Variants in IL17B observed in about 807,000 individuals in gnomAD.
IL17B encodes the protein interleukin 17B.
A neutral mutation model predicts 14.7 loss-of-function variants in IL17B; 14 were observed. The observed-to-expected ratio is 0.95, with a 90% CI of 0.63 to 1.49. IL17B has a LOEUF of 1.49. Ranked by LOEUF, IL17B falls within the 40% of genes most tolerant of loss-of-function variation. IL17B has a pLI of 0.00. For missense variants in IL17B, 233 were observed against 252.8 expected, an observed-to-expected ratio of 0.92 and a Z score of 0.53; for synonymous variants, 105 against 94.8, an observed-to-expected ratio of 1.11 and a Z score of -0.62.
In IL17B at chr5:149,374,490, A is replaced by T; in HGVS notation, c.422T>A (p.Val141Glu). Residue 141 changes from valine (V) to glutamate (E), a missense_variant, in exon 3 of 3, where the codon GTG becomes GAG. Transcript: ENST00000261796. This position sits in a 1 kb window ranked among gnomAD's most constrained non-coding sequence, Gnocchi z 5.0. ...CACAGGAACCTGGCTGAACACCGGC[A>T]CGCTCACCATGCTGCGGTCCTCCTG... ...TMQEDRSMVS[V>E]PVFSQVPVRR... The T allele has an allele frequency of 6.2e-7, 1 of 1,613,002 alleles. No homozygotes were observed. The highest frequency in any genetic ancestry group is 1.1e-5 in the South Asian group (1 of 91,082).
intron 1 of IL17B, among the ~76,000 whole-genome samples, chr5:149,393,079 T>C (rs924219802): frequency 6.6e-6 from 1 of 152,036 alleles, no homozygotes; most frequent in Non-Finnish European, 1.5e-5. Flanking sequence ...GTGAGATTGT[T>C]TTCCCCTTTC....
intron 1 of IL17B, among the ~76,000 whole-genome samples, chr5:149,390,706 A>G (rs1758930869): frequency 6.6e-6 from 1 of 151,902 alleles, no homozygotes; most frequent in Non-Finnish European, 1.5e-5. Context: ...AGTGATTTCC[A>G]AAGTAGGGTG....
At chr5:149,382,727 C>T (rs535584689), upstream of IL17B, among the ~76,000 whole-genome samples, 3 of 152,306 alleles carry the variant, frequency 2.0e-5, no homozygotes, top group South Asian at 4.1e-4. Context: ...TCATTGAGCA[C>T]GGTCTGTGAT....
At chr5:149,387,441 A>G (rs896575079) in intron 1 of IL17B, among the ~76,000 whole-genome samples, 4 of 152,180 alleles carry the variant, frequency 2.6e-5, no homozygotes, top group Middle Eastern at 3.2e-3. Flanking sequence ...GCGTGATGGT[A>G]AAAGGGTTAC....
chr5:149,399,226 G>T (rs148439261), intron 1 of IL17B, among the ~76,000 whole-genome samples: 1 of 152,268 alleles, frequency 6.6e-6, no homozygotes, highest in East Asian at 1.9e-4. Flanking sequence ...GGCCCTGCCC[G>T]GGTGCTGTCA....
chr5:149,376,966 G>C lies in IL17B; in HGVS notation c.81C>G (p.Ser27Arg). 1 of 1,603,108 alleles carries C rather than the reference G, an allele frequency of 6.2e-7. No homozygotes were observed. The highest frequency in any genetic ancestry group is 2.2e-5 in the East Asian group (1 of 44,794). Residue 27 changes from serine (S) to arginine (R), a missense_variant, in exon 2 of 3, where the codon AGC becomes AGG. Physicochemically the swap from Ser to Arg is moderately radical, Grantham distance 110. Transcript: ENST00000261796. Reference protein sequence around the residue: ...LGLGQPRSPKSKRKGQGRPGP... With the variant: ...LGLGQPRSPKRKRKGQGRPGP... The stretch of plus-strand genomic sequence containing the variant: ...CAGGCCGCCCTTGCCCCTTCCTCTT[G>C]CTTTTGGGGCTCCTGGGCTGGCCCA...
intron 1 of IL17B, among the ~76,000 whole-genome samples, chr5:149,388,862 G>C (rs1436254262): frequency 6.6e-6 from 1 of 152,234 alleles, no homozygotes; most frequent in African/African-American, 2.4e-5. Flanking sequence ...AGGTTCTGGA[G>C]TCTCTGCCCC....
chr5:149,395,886 T>C (rs1759083265), intron 1 of IL17B, among the ~76,000 whole-genome samples: 1 of 152,172 alleles, frequency 6.6e-6, no homozygotes, highest in Non-Finnish European at 1.5e-5. Flanking sequence ...TTGGCCAGGC[T>C]GGTCTTGAAC....
At chr5:149,393,846 T>A (rs1237333608) in intron 1 of IL17B, among the ~76,000 whole-genome samples, 1 of 152,146 alleles carries the variant, frequency 6.6e-6, no homozygotes, top group Non-Finnish European at 1.5e-5. Flanking sequence ...CCACTAAGAG[T>A]TGAGTTTCCA....
At chr5:149,392,031 A>G (rs1758978835) in intron 1 of IL17B, among the ~76,000 whole-genome samples, 2 of 152,234 alleles carry the variant, frequency 1.3e-5, no homozygotes, top group Non-Finnish European at 2.9e-5. Context: ...TCTGTGACAC[A>G]GGCCTCTTGT....
chr5:149,386,519 A>G (rs1303847305), intron 1 of IL17B, among the ~76,000 whole-genome samples: 2 of 152,144 alleles, frequency 1.3e-5, no homozygotes, highest in African/African-American at 2.4e-5. Flanking sequence ...TTAGGAGGCA[A>G]TGTTGACAAG....
rs539823518 is a variant in IL17B at position 149,374,884 on chromosome 5, G to T, written c.312-284C>A. On this transcript the variant is annotated intron_variant, in intron 2 of 2. Transcript: ENST00000261796. The surrounding 1 kb of genome is among the most constrained non-coding windows in gnomAD (Gnocchi z 5.0). ...GCCCATCCCAGTACTAGGTTGCGCT[G>T]TGGGGATTGTGGAGTAGCCCTCTAC... 2 of 357,376 alleles carry T rather than the reference G, an allele frequency of 5.6e-6. No homozygotes were observed. The highest frequency in any genetic ancestry group is 1.3e-4 in the South Asian group (2 of 15,860). The allele number at this position is 357,376 out of a possible 1,614,324, so 22.1% of individuals were successfully genotyped here.
intron 1 of IL17B, among the ~76,000 whole-genome samples, chr5:149,387,390 A>C (rs975219204): frequency 6.6e-5 from 10 of 152,328 alleles, no homozygotes; most frequent in African/African-American, 2.2e-4. Context: ...GGGAGATGGA[A>C]GGTGTCCAGC....
At chr5:149,379,349 T>A, upstream of IL17B, 1 of 1,151,126 alleles carries the variant, frequency 8.7e-7, no homozygotes, top group Non-Finnish European at 1.3e-6. Flanking sequence ...GCTGGGGGAG[T>A]GAGTGGGTGG....
chr5:149,388,973 G>A (rs1361509309), intron 1 of IL17B, among the ~76,000 whole-genome samples: 2 of 152,228 alleles, frequency 1.3e-5, no homozygotes, highest in Non-Finnish European at 2.9e-5. Context: ...GGTTTGCTAT[G>A]AGGCTGAGAG....
chr5:149,398,523 C>G (rs1224427570), intron 1 of IL17B, among the ~76,000 whole-genome samples: 1 of 152,204 alleles, frequency 6.6e-6, no homozygotes, highest in Non-Finnish European at 1.5e-5. Context: ...TGGAGGAGGG[C>G]AGACCCAGGC....
intron 1 of IL17B, among the ~76,000 whole-genome samples, chr5:149,385,212 G>A (rs191832267): frequency 5.5e-4 from 83 of 152,032 alleles, no homozygotes; most frequent in African/African-American, 1.8e-3. Context: ...AAAATTAGCC[G>A]GACGTGGTGG....
chr5:149,383,767 C>G (rs1233075965), upstream of IL17B, among the ~76,000 whole-genome samples: 2 of 152,234 alleles, frequency 1.3e-5, no homozygotes, highest in Admixed American at 1.3e-4. Context: ...TGCAGAGGGG[C>G]TGCCACGTCG....
In IL17B at chr5:149,379,206, A is replaced by C. The variant is rs549065715; in HGVS notation, c.20T>G (p.Leu7Arg). 6.2e-7 allele frequency: 1 copy of C among 1,614,024 alleles called. No homozygotes were observed. Among genetic ancestry groups the C allele is most frequent in the East Asian group, 2.2e-5 (1 of 44,882 alleles). MDWPHN[L>R]LFLLTISIFL... Reference sequence around the variant, plus strand: ...GTGCGGCAGGGAAGCGCCACGTACCAGGTTGTGAGGCCAGTCCATTCCGCC... The same window carrying C: ...GTGCGGCAGGGAAGCGCCACGTACCCGGTTGTGAGGCCAGTCCATTCCGCC... The change falls in exon 1 of 3, where the codon CTG becomes CGG. Residue 7 changes from leucine to arginine, a missense_variant and splice_region_variant. By Grantham distance (102) the Leu-to-Arg change is moderately radical (BLOSUM62 -2). Coordinates refer to ENST00000261796, the MANE Select transcript of IL17B (RefSeq NM_014443.3).
Sources: gnomAD v4.1 joint callset for allele counts (sites outside exome capture counted in the v4.1 genomes callset) on GRCh38, gnomAD v4.1.1 for gene constraint, Gnocchi (gnomAD v3.1) non-coding constraint, MANE v1.5 for transcripts, NCBI Gene and HGNC (gene_info 2026-07-23, HGNC 2026-07-21) for gene names.